Variants in AMZ1 observed in about 807,000 individuals in gnomAD.
AMZ1 encodes the protein archaelysin family metallopeptidase 1, also known as archaemetzincin-1.
In AMZ1, 39 loss-of-function variants were observed where a neutral mutation model predicts 29.9. The observed-to-expected ratio is 1.30, with a 90% CI of 1.01 to 1.70. AMZ1 has a LOEUF of 1.70. Ranked by LOEUF, AMZ1 falls within the 40% of genes most tolerant of loss-of-function variation. The probability of loss-of-function intolerance (pLI) is 0.00; values close to 1 mark genes in which losing one functional copy is unlikely to be tolerated. For synonymous variants in AMZ1, 458 were observed against 304.0 expected, an observed-to-expected ratio of 1.51 and a Z score of -5.27; for missense variants, 1,041 against 680.6, an observed-to-expected ratio of 1.53 and a Z score of -5.89.
chr7:2,754,272 G>A (rs151023052), intron 4 of AMZ1, among the ~76,000 whole-genome samples: 7 of 152,110 alleles, frequency 4.6e-5, no homozygotes, highest in East Asian at 1.9e-4. Flanking sequence ...ATGTGCCATC[G>A]GCATGTCCTC....
upstream of AMZ1, among the ~76,000 whole-genome samples, chr7:2,687,280 T>A (rs113746360): frequency 0.018 from 2,707 of 151,896 alleles, 66 homozygotes; most frequent in African/African-American, 0.062. Context: ...TGAGCCCAGA[T>A]TGCACCATTA....
chr7:2,707,085 T>C (rs4262239), intron 3 of AMZ1, among the ~76,000 whole-genome samples: 27,385 of 151,978 alleles, frequency 0.18, 2,899 homozygotes, highest in African/African-American at 0.28. Context: ...CCAGCTTGAC[T>C]AACATGGTGA....
Position 2,734,094 on chromosome 7 carries a change from G to T in AMZ1, n.550+24278G>T, listed in dbSNP as rs145149976. ...GATTGTTGTGGTGGAATGATGGCCA[G>T]TCTTCTCCTGCCTGGACCAATCATC... On this transcript the variant is annotated intron_variant and non_coding_transcript_variant, in intron 4 of 4. Transcript: ENST00000489665. Among the ~76,000 whole-genome samples, 5 of 152,342 alleles carry T rather than the reference G, an allele frequency of 3.3e-5. No homozygotes were observed. The East Asian group carries it at 9.6e-4, about 29-fold the overall frequency.
At position 2,712,322 on chromosome 7, in the gene AMZ1, C is replaced by T. The variant is rs1788833474; in HGVS notation, c.949-8C>T. The T allele has an allele frequency of 6.5e-7, 1 of 1,546,280 alleles. No homozygotes were observed. Among genetic ancestry groups the T allele is most frequent in the Non-Finnish European group, 8.7e-7 (1 of 1,144,810 alleles). ...GGAGCAAACTCAGCCTGTGTTTCTCCCTCTTAGAGACTCTACACCTGGACT... is the reference window on the plus strand; with the variant it reads ...GGAGCAAACTCAGCCTGTGTTTCTCTCTCTTAGAGACTCTACACCTGGACT... On this transcript the variant is annotated splice_polypyrimidine_tract_variant and splice_region_variant and intron_variant, in intron 6 of 6. Transcript: ENST00000683327.
chr7:2,689,370 TG>T (rs59259361), intron 1 of AMZ1, among the ~76,000 whole-genome samples: 37 of 149,652 alleles, frequency 2.5e-4, no homozygotes, highest in African/African-American at 3.7e-4. Context: ...AGAACCTCCC[TG>T]GGGGGGGGAT....
rs77916138 is a variant in AMZ1 at position 2,738,800 on chromosome 7, A to G, written n.551-25912A>G. ...ATAGGACAATAAGGTTAGAGGCGGA[A>G]CCTAGAATTCTGGCCTCCTCCTGTT... On this transcript the variant is annotated intron_variant and non_coding_transcript_variant, in intron 4 of 4. Coordinates refer to the AMZ1 transcript ENST00000489665. 1.1e-3 allele frequency among the ~76,000 whole-genome samples: 164 copies of G among 152,338 alleles called. 3 individuals carry two copies. The East Asian group carries it at 0.03, about 28-fold the overall frequency.
chr7:2,744,721 G>A (rs541619766), intron 4 of AMZ1, among the ~76,000 whole-genome samples: 1 of 152,160 alleles, frequency 6.6e-6, no homozygotes, highest in South Asian at 2.1e-4. Context: ...AAACTACTCT[G>A]AGCTACAGGA....
chr7:2,685,112 G>T (rs542114994), upstream of AMZ1, among the ~76,000 whole-genome samples: 153 of 151,550 alleles, frequency 1.0e-3, 3 homozygotes, highest in South Asian at 0.017. Context: ...CTCGTGATCC[G>T]CCCGCCTCGG....
intron 4 of AMZ1, among the ~76,000 whole-genome samples, chr7:2,725,655 C>T (rs556163056): frequency 6.6e-6 from 1 of 152,202 alleles, no homozygotes; most frequent in Non-Finnish European, 1.5e-5. Flanking sequence ...ACCCTGTGGG[C>T]TCCACTCCCA....
At chr7:2,680,239 G>A (rs564620129) in intron 1 of AMZ1, among the ~76,000 whole-genome samples, 21 of 152,254 alleles carry the variant, frequency 1.4e-4, no homozygotes, top group Non-Finnish European at 2.6e-4. Context: ...GAAGGTCTGG[G>A]TGCTGGTGGC....
chr7:2,733,740 A>G (rs1022996939), intron 4 of AMZ1, among the ~76,000 whole-genome samples: 3 of 152,194 alleles, frequency 2.0e-5, no homozygotes, highest in African/African-American at 7.2e-5. Flanking sequence ...CTGTTTTTCA[A>G]TTTTCGCTGC....
chr7:2,744,210 G>A lies in AMZ1; in HGVS notation n.551-20502G>A, dbSNP rs185239427. The stretch of plus-strand genomic sequence containing the variant: ...CACGCAGCTGGAGATCTGAGAACGG[G>A]CAGACTGCCTCCTCAAGTGGGTCCC... On this transcript the variant is annotated intron_variant and non_coding_transcript_variant, in intron 4 of 4. Transcript: ENST00000489665. 6.8e-3 allele frequency among the ~76,000 whole-genome samples: 1,038 copies of A among 152,366 alleles called. 14 individuals carry two copies. The highest frequency in any genetic ancestry group is 0.023 in the African/African-American group (975 of 41,588).
intron 4 of AMZ1, chr7:2,728,203 C>T (rs1789706560): frequency 6.6e-6 from 1 of 152,326 alleles, no homozygotes; most frequent in Non-Finnish European, 1.5e-5. Flanking sequence ...TGTTAATACA[C>T]TGTGCAAAGC....
chr7:2,685,829 A>C (rs6461519), upstream of AMZ1, among the ~76,000 whole-genome samples: 28,975 of 140,722 alleles, frequency 0.21, 4,586 homozygotes, highest in East Asian at 0.45. Context: ...CTCCAGCCTG[A>C]GTGACAGAGC....
At chr7:2,709,962 G>A in intron 6 of AMZ1, 146 bp downstream of exon 6, 6 of 1,149,908 alleles carry the variant, frequency 5.2e-6, no homozygotes, top group African/African-American at 1.6e-5. Flanking sequence ...CCTGGGACCT[G>A]CGCTGGGGTT....
Position 2,710,012 on chromosome 7 carries a change from G to T in AMZ1, c.948+196G>T, listed in dbSNP as rs191673591. On this transcript the variant is annotated intron_variant, in intron 6 of 6. Transcript: ENST00000683327. ...TCTCACTGGCAGTAGATCGAGTCCT[G>T]CCAGGGCCCGCGTGTGGTGGCTGTG... Among the ~76,000 whole-genome samples, 115 of 152,352 alleles carry T rather than the reference G, an allele frequency of 7.5e-4. 1 individual carries two copies. The highest frequency in any genetic ancestry group is 2.7e-3 in the African/African-American group (114 of 41,584).
At chr7:2,744,128 T>A (rs967054306) in intron 4 of AMZ1, among the ~76,000 whole-genome samples, 1 of 152,202 alleles carries the variant, frequency 6.6e-6, no homozygotes, top group Non-Finnish European at 1.5e-5. Context: ...AGCAGTAACC[T>A]CTGCAGACTT....
In AMZ1 at chr7:2,715,577, T is replaced by A. The variant is rs1017888337; in HGVS notation, c.*2699T>A. ...TTTGAAGTGGGAAGGAGCAAACCAC[T>A]AAAAAAAACTCCTTTTATCCGCAGC... On this transcript the variant is annotated 3_prime_UTR_variant, in exon 7 of 7. Transcript: ENST00000683327. 1.3e-5 allele frequency: 2 copies of A among 152,066 alleles called. No homozygotes were observed. Among genetic ancestry groups the A allele is most frequent in the Admixed American group, 1.3e-4 (2 of 15,264 alleles). The allele number at this position is 152,066 out of a possible 1,614,324, so 9.4% of individuals were successfully genotyped here.
Position 2,719,248 on chromosome 7 carries a change from G to A in AMZ1, c.*6370G>A, listed in dbSNP as rs528513275. ...TGTCTCTTTATTCCTGCCATCCTCC[G>A]GCCGCCTCTCCCGCCTGCACCACTT... On this transcript the variant is annotated 3_prime_UTR_variant, in exon 7 of 7. Transcript: ENST00000683327. 4.6e-5 allele frequency among the ~76,000 whole-genome samples: 7 copies of A among 152,272 alleles called. No homozygotes were observed. Among genetic ancestry groups the A allele is most frequent in the East Asian group, 3.9e-4 (2 of 5,180 alleles).
Sources: gnomAD v4.1 joint callset for allele counts (sites outside exome capture counted in the v4.1 genomes callset) on GRCh38, gnomAD v4.1.1 for gene constraint, MANE v1.5 for transcripts, NCBI Gene and HGNC (gene_info 2026-07-23, HGNC 2026-07-21) for gene names.